Variants in ELF2 observed in about 807,000 individuals in gnomAD.
ELF2 encodes E74 like ETS transcription factor 2, also known as ETS-related transcription factor Elf-2.
A neutral mutation model predicts 54.8 loss-of-function variants in ELF2; 11 were observed. The ratio of observed to expected loss-of-function variants is 0.20; its 90% CI spans 0.13 to 0.33. The LOEUF (loss-of-function observed/expected upper bound fraction) is 0.33. Among genes scored for constraint, ELF2 ranks in the 10% least tolerant of loss-of-function variants. ELF2 has a pLI of 1.00. For missense variants in ELF2, 513 were observed against 703.0 expected (o/e 0.73, Z 3.06); for synonymous variants, 203 against 245.1 (o/e 0.83, Z 1.61).
At chr4:139,118,272 G>T (rs1052823266) in intron 4 of ELF2, among the ~76,000 whole-genome samples, 36 of 152,248 alleles carry the variant, frequency 2.4e-4, no homozygotes, top group Non-Finnish European at 3.8e-4. Flanking sequence ...ATACAAGAAA[G>T]TACCTATATC....
At position 139,114,929 on chromosome 4, in the gene ELF2, C is replaced by G. The variant is rs1036568082; in HGVS notation, c.238+10235G>C. On this transcript the variant is annotated intron_variant, in intron 4 of 9. Coordinates refer to ENST00000686138, the MANE Select transcript of ELF2 (RefSeq NM_001331036.3). ...CCACCGTTCTCCTGGGTCGGGGACC[C>G]TCACTTCTTCTGGGGTGTGCTCAGC... 1.5e-5 allele frequency: 24 copies of G among 1,613,016 alleles called. No homozygotes were observed. The Admixed American group carries it at 4.0e-4, about 27-fold the overall frequency.
intron 4 of ELF2, among the ~76,000 whole-genome samples, chr4:139,108,364 A>G (rs1469348277): frequency 6.6e-6 from 1 of 152,194 alleles, no homozygotes; most frequent in South Asian, 2.1e-4. Context: ...GAAGGGAGAC[A>G]CAATTCTCTT....
At chr4:139,163,967 G>A (rs1451710373) in intron 1 of ELF2, among the ~76,000 whole-genome samples, 2 of 148,078 alleles carry the variant, frequency 1.4e-5, no homozygotes, top group African/African-American at 2.5e-5. Context: ...AGAAAAGAAA[G>A]AAAGGAAAGG....
At chr4:139,065,837 TTTAA>T (rs1336398803) in intron 7 of ELF2, among the ~76,000 whole-genome samples, 1 of 152,116 alleles carries the variant, frequency 6.6e-6, no homozygotes. Flanking sequence ...ATATTTACAG[TTTAA>T]TTTTCTAATA....
At position 139,073,481 on chromosome 4, in the gene ELF2, T is replaced by C. The variant is rs752150918; in HGVS notation, c.325A>G (p.Thr109Ala). Residue 109 changes from threonine (T) to alanine (A), a missense_variant, in exon 5 of 10, where the codon ACC becomes GCC. Coordinates refer to ENST00000686138, the MANE Select transcript of ELF2 (RefSeq NM_001331036.3). ...GGACTTCTTGAATCCCTCAAGCAGG[T>C]AGGAGATTCCATATGAAGCAGGGCT... ...AEALLHMESP[T>A]CLRDSRSPVE... 18 of 1,609,092 alleles carry C rather than the reference T, an allele frequency of 1.1e-5. No homozygotes were observed. Among genetic ancestry groups the C allele is most frequent in the Admixed American group, 5.0e-5 (3 of 59,822 alleles).
intron 4 of ELF2, among the ~76,000 whole-genome samples, chr4:139,113,357 CAAAAT>C (rs1408762442): frequency 6.6e-6 from 1 of 151,688 alleles, no homozygotes; most frequent in African/African-American, 2.4e-5. Flanking sequence ...GACCCTGTCT[CAAAAT>C]AAAATAAAAT....
chr4:139,114,438 G>A (rs1480355165), intron 4 of ELF2, among the ~76,000 whole-genome samples: 2 of 151,852 alleles, frequency 1.3e-5, no homozygotes, highest in African/African-American at 4.8e-5. Flanking sequence ...GTGTGGTGGT[G>A]CGCGCCTGTA....
At chr4:139,175,320 C>G (rs1459440130) in intron 1 of ELF2, among the ~76,000 whole-genome samples, 1 of 152,132 alleles carries the variant, frequency 6.6e-6, no homozygotes, top group Non-Finnish European at 1.5e-5. Context: ...AAATGAAAGG[C>G]AATGATAAAT....
At chr4:139,100,973 T>C (rs1733825898) in intron 4 of ELF2, among the ~76,000 whole-genome samples, 1 of 152,316 alleles carries the variant, frequency 6.6e-6, no homozygotes, top group South Asian at 2.1e-4. Context: ...GCAATGAAGA[T>C]AGGAAGACTC....
At chr4:139,084,428 GCA>G in intron 4 of ELF2, 2 of 1,218,900 alleles carry the variant, frequency 1.6e-6, no homozygotes, top group Non-Finnish European at 2.0e-6. Flanking sequence ...GGCAGGGGCG[GCA>G]GGGGCAGGGG....
intron 1 of ELF2, among the ~76,000 whole-genome samples, chr4:139,144,097 G>A (rs1266176481): frequency 4.6e-5 from 7 of 151,956 alleles, no homozygotes; most frequent in East Asian, 1.9e-4. Context: ...ATGGAAAAAC[G>A]GAAACCACAG....
At chr4:139,166,384 C>T (rs1741720777) in intron 1 of ELF2, among the ~76,000 whole-genome samples, 1 of 151,252 alleles carries the variant, frequency 6.6e-6, no homozygotes, top group Non-Finnish European at 1.5e-5. Flanking sequence ...CAAACTGTCT[C>T]AAAAAATAAA....
At chr4:139,083,744 CGA>C (rs1427379158) in intron 4 of ELF2, among the ~76,000 whole-genome samples, 1 of 152,186 alleles carries the variant, frequency 6.6e-6, no homozygotes, top group African/African-American at 2.4e-5. Flanking sequence ...CAGGCGCAGC[CGA>C]GAGACAACAG....
intron 8 of ELF2, 151 bp from the exon 9 acceptor site, chr4:139,060,825 G>A (rs1727728716): frequency 2.9e-6 from 2 of 689,158 alleles, no homozygotes; most frequent in Middle Eastern, 4.2e-4. Context: ...TTACTGCCTA[G>A]ATTGCTCAAA....
intron 4 of ELF2, among the ~76,000 whole-genome samples, chr4:139,118,381 AC>A (rs1735970265): frequency 1.3e-5 from 2 of 152,226 alleles, no homozygotes. Flanking sequence ...GCTAATACCT[AC>A]CTGAGCACAT....
chr4:139,154,954 T>C (rs949912862), intron 1 of ELF2, among the ~76,000 whole-genome samples: 3 of 152,166 alleles, frequency 2.0e-5, no homozygotes, highest in South Asian at 2.1e-4. Context: ...TCTTTCCCCT[T>C]CAAATATTGA....
At chr4:139,131,357 TAG>T (rs1737473007) in intron 3 of ELF2, among the ~76,000 whole-genome samples, 3 of 150,190 alleles carry the variant, frequency 2.0e-5, no homozygotes, top group Non-Finnish European at 4.4e-5. Context: ...GAGAGATTCT[TAG>T]TTTAAAGAGG....
intron 3 of ELF2, among the ~76,000 whole-genome samples, chr4:139,131,616 A>G (rs1205836787): frequency 2.0e-5 from 3 of 152,244 alleles, no homozygotes; most frequent in African/African-American, 7.2e-5. Flanking sequence ...TTACCTTAAA[A>G]AATCTTATCA....
chr4:139,137,977 A>G, intron 2 of ELF2, 110 bp from the exon 3 acceptor site: 1 of 699,022 alleles, frequency 1.4e-6, no homozygotes, highest in Non-Finnish European at 2.1e-6. Flanking sequence ...GAAAAAGAAG[A>G]CAGGCTTAAC....
Sources: gnomAD v4.1 joint callset for allele counts (sites outside exome capture counted in the v4.1 genomes callset) on GRCh38, gnomAD v4.1.1 for gene constraint, MANE v1.5 for transcripts, NCBI Gene and HGNC (gene_info 2026-07-23, HGNC 2026-07-21) for gene names.